ROBO2: variants seen among roughly 807,000 people sequenced by gnomAD.
ROBO2 encodes the protein roundabout guidance receptor 2.
Under a neutral mutation model 160.8 loss-of-function variants are expected in ROBO2, and 53 were observed. The ratio of observed to expected loss-of-function variants is 0.33; its 90% CI spans 0.26 to 0.41. ROBO2 has a LOEUF of 0.41. Among genes scored for constraint, ROBO2 ranks in the 10% least tolerant of loss-of-function variants. ROBO2 has a pLI of 1.00. For missense variants in ROBO2, 1,577 were observed against 1,722.4 expected, an observed-to-expected ratio of 0.92 and a Z score of 1.49; for synonymous variants, 664 against 611.7, an observed-to-expected ratio of 1.09 and a Z score of -1.26.
chr3:76,193,087 T>C (rs571211720), intron 2 of ROBO2, among the ~76,000 whole-genome samples: 1 of 152,294 alleles, frequency 6.6e-6, no homozygotes, highest in Admixed American at 6.5e-5. Context: ...TAGCACCATC[T>C]ACACTGATTT....
intron 2 of ROBO2, among the ~76,000 whole-genome samples, chr3:76,102,328 T>TTG (rs1324809276): frequency 1.3e-5 from 2 of 152,238 alleles, no homozygotes; most frequent in South Asian, 2.1e-4. Context: ...AGTTTCTTTT[T>TTG]ATATTTTTGA....
chr3:77,596,640 A>C (rs980059108), exon 19 of ROBO2: 2 of 1,613,960 alleles, frequency 1.2e-6, no homozygotes, highest in African/African-American at 2.7e-5. Context: ...GGTCTTCTCA[A>C]TGCTGGTGAT....
chr3:76,162,281 T>C (rs1478186921), intron 2 of ROBO2, among the ~76,000 whole-genome samples: 2 of 152,134 alleles, frequency 1.3e-5, no homozygotes, highest in African/African-American at 4.8e-5. Context: ...CTAGCCTCTT[T>C]GGCATGAGCA....
chr3:77,434,120 A>G (rs977986807), intron 2 of ROBO2, among the ~76,000 whole-genome samples: 27 of 152,034 alleles, frequency 1.8e-4, no homozygotes, highest in Admixed American at 1.4e-3. Flanking sequence ...AATGCTACCT[A>G]CAAGACCCTG....
chr3:76,738,839 T>A (rs1450942499), intron 2 of ROBO2, among the ~76,000 whole-genome samples: 2 of 80,018 alleles, frequency 2.5e-5, no homozygotes, highest in African/African-American at 1.3e-4. Flanking sequence ...TTCTCTTGAT[T>A]GTTTTTTTTT....
At chr3:76,530,119 G>C (rs2082146565) in intron 2 of ROBO2, among the ~76,000 whole-genome samples, 1 of 152,226 alleles carries the variant, frequency 6.6e-6, no homozygotes, top group South Asian at 2.1e-4. Flanking sequence ...GCCTCAACAG[G>C]CCTGCACCTG....
At chr3:77,610,062 A>AAATTAAT (rs1303666480) in intron 21 of ROBO2, among the ~76,000 whole-genome samples, 4 of 151,428 alleles carry the variant, frequency 2.6e-5, no homozygotes, top group Non-Finnish European at 4.4e-5. Context: ...AAACAAATAA[A>AAATTAAT]AATTAATAGA....
intron 2 of ROBO2, among the ~76,000 whole-genome samples, chr3:76,633,360 G>A (rs1052108506): frequency 4.6e-5 from 7 of 152,150 alleles, no homozygotes; most frequent in Admixed American, 3.9e-4. Context: ...CCTGATATTT[G>A]TGAATGTATT....
chr3:77,115,180 A>G (rs72887961), intron 2 of ROBO2, among the ~76,000 whole-genome samples: 3,835 of 152,228 alleles, frequency 0.025, 175 homozygotes, highest in African/African-American at 0.087. Context: ...TGAATAGACA[A>G]TCTGTGGAAT....
intron 2 of ROBO2, among the ~76,000 whole-genome samples, chr3:77,373,909 T>A (rs1168230193): frequency 6.7e-6 from 1 of 149,316 alleles, no homozygotes; most frequent in Non-Finnish European, 1.5e-5. Flanking sequence ...CGATGGCTCG[T>A]GCCTGTAATC....
At chr3:76,936,988 G>A (rs1438938997) in intron 2 of ROBO2, among the ~76,000 whole-genome samples, 1 of 151,154 alleles carries the variant, frequency 6.6e-6, no homozygotes, top group Non-Finnish European at 1.5e-5. Context: ...CACATTTTAT[G>A]TAGTGTTCAT....
intron 1 of ROBO2, among the ~76,000 whole-genome samples, chr3:77,072,397 A>G (rs778742946): frequency 6.6e-6 from 1 of 152,160 alleles, no homozygotes; most frequent in Non-Finnish European, 1.5e-5. Flanking sequence ...ACACTACTCC[A>G]TGGAAAAAGT....
intron 1 of ROBO2, among the ~76,000 whole-genome samples, chr3:75,919,736 G>A (rs1156916285): frequency 6.6e-6 from 1 of 152,056 alleles, no homozygotes; most frequent in Non-Finnish European, 1.5e-5. Context: ...TCTATTCAGG[G>A]ATTTGACTTC....
At chr3:77,447,518 A>T (rs1257107280) in intron 2 of ROBO2, among the ~76,000 whole-genome samples, 1 of 152,156 alleles carries the variant, frequency 6.6e-6, no homozygotes. Flanking sequence ...CTGCCATAAG[A>T]TGCTAATGTG....
intron 2 of ROBO2, among the ~76,000 whole-genome samples, chr3:76,625,424 A>T (rs566212473): frequency 6.6e-6 from 1 of 152,198 alleles, no homozygotes; most frequent in African/African-American, 2.4e-5. Context: ...ACACAGCCAG[A>T]TGTCATTTTT....
intron 13 of ROBO2, 34 bp downstream of exon 14, chr3:77,568,468 C>T (rs781563592): frequency 6.2e-7 from 1 of 1,611,692 alleles, no homozygotes; most frequent in South Asian, 1.1e-5. Context: ...ATAGTAATCT[C>T]TTCTCTTTCG....
intron 2 of ROBO2, among the ~76,000 whole-genome samples, chr3:76,185,790 G>A (rs1304300901): frequency 6.6e-6 from 1 of 151,962 alleles, no homozygotes; most frequent in Non-Finnish European, 1.5e-5. Context: ...TTGACAATAA[G>A]ATACCATCAG....
intron 2 of ROBO2, among the ~76,000 whole-genome samples, chr3:76,063,679 A>G (rs989628035): frequency 2.6e-5 from 4 of 152,022 alleles, no homozygotes; most frequent in African/African-American, 9.7e-5. Flanking sequence ...AACTTTTGAG[A>G]TAGGTGCTAA....
At chr3:77,035,091 G>A (rs867710918), upstream of ROBO2, among the ~76,000 whole-genome samples, 25 of 151,950 alleles carry the variant, frequency 1.6e-4, 1 homozygote, top group Middle Eastern at 0.014. Context: ...GTGGATTTGC[G>A]AGGCTGACTA....
Sources: allele counts gnomAD v4.1 joint callset (sites outside exome capture counted in the v4.1 genomes callset), GRCh38; gene constraint gnomAD v4.1.1; transcripts MANE v1.5; gene names NCBI Gene and HGNC (gene_info 2026-07-23, HGNC 2026-07-21).